Variants in LYPD4 observed in about 807,000 individuals in gnomAD.
The protein encoded by LYPD4 is ly6/PLAUR domain-containing protein 4.
LYPD4 carries 20 observed loss-of-function variants against 18.2 expected under a neutral mutation model. That is an observed-to-expected ratio of 1.10 (90% CI 0.77 to 1.59). The LOEUF (loss-of-function observed/expected upper bound fraction) is 1.59. LYPD4 is among the 40% of genes most tolerant of loss of function. The pLI, the probability that LYPD4 is intolerant of heterozygous loss-of-function variation, is 0.00. For synonymous variants in LYPD4, 111 were observed against 118.3 expected (o/e 0.94, Z 0.40); for missense variants, 278 against 300.3 (o/e 0.93, Z 0.55).
In LYPD4 at chr19:41,838,896, C is replaced by T. The variant is rs782343746; in HGVS notation, c.196G>A (p.Val66Met). The change falls in exon 3 of 5, where the codon GTG becomes ATG. Residue 66 changes from valine to methionine, a missense_variant. Val to Met is a conservative substitution (Grantham distance 21). Transcript: ENST00000609812. ...ACTGCTTCACCTGTCTCAATGAACA[C>T]TAGCGTCTCCTCGCAGCCCTCTTGC... ...KLQEGCEETL[V>M]FIETGTARGV... 6.2e-7 allele frequency: 1 copy of T among 1,613,856 alleles called. No individual in the cohort carries two copies. The highest frequency in any genetic ancestry group is 8.5e-7 in the Non-Finnish European group (1 of 1,180,022).
At chr19:41,835,740 A>C, downstream of LYPD4, 18 of 982,396 alleles carry the variant, frequency 1.8e-5, no homozygotes, top group Non-Finnish European at 2.2e-5. Flanking sequence ...TGGTAACCGA[A>C]ACCTCGTGTC....
Position 41,838,148 on chromosome 19 carries a change from C to T in LYPD4, c.325G>A (p.Val109Ile), listed in dbSNP as rs142442476. 583 of 1,612,674 alleles carry T rather than the reference C, an allele frequency of 3.6e-4. No homozygotes were observed. Among genetic ancestry groups the T allele is most frequent in the African/African-American group, 2.6e-3 (192 of 75,002 alleles). The change falls in exon 4 of 5, where the codon GTC becomes ATC. Residue 109 changes from valine to isoleucine, a missense_variant. Val to Ile is a conservative substitution (Grantham distance 29, BLOSUM62 3). Transcript: ENST00000609812. ...PGVSIASYSRVCRSYLCNNLT... is the reference protein window; with the variant it reads ...PGVSIASYSRICRSYLCNNLT... The stretch of plus-strand genomic sequence containing the variant: ...TTGTTGCAGAGATAAGACCGGCAGA[C>T]GCGACTGTAGGAGGCAATGGACACT...
chr19:41,840,852 AAT>A (rs1302721225), intron 1 of LYPD4, among the ~76,000 whole-genome samples: 4 of 152,088 alleles, frequency 2.6e-5, no homozygotes, highest in Non-Finnish European at 5.9e-5. Flanking sequence ...AATAAAATAA[AAT>A]ATATACATCA....
rs1555832555 is a variant in LYPD4, at chr19:41,839,238, C to T, written c.48G>A (p.Gly16=). 1 of 1,614,106 alleles carries T rather than the reference C, an allele frequency of 6.2e-7. No homozygotes were observed. The highest frequency in any genetic ancestry group is 1.3e-5 in the African/African-American group (1 of 75,010). Residue 16 remains glycine (G), a synonymous_variant, in exon 2 of 5, where the codon GGG becomes GGA. Transcript: ENST00000609812. ...LRLVQLFCLL[G]AISTLPRAGA... ...ACATACGAGGCAGAGTGGAGATGGCCCCTAGAAGGCAGAACAGCTGCACAA... is the reference window on the plus strand; with the variant it reads ...ACATACGAGGCAGAGTGGAGATGGCTCCTAGAAGGCAGAACAGCTGCACAA...
downstream of LYPD4, chr19:41,837,064 G>A (rs1389776515): frequency 1.3e-6 from 2 of 1,597,328 alleles, no homozygotes; most frequent in African/African-American, 1.3e-5. Context: ...ATGGACCACA[G>A]GACAATGCAG....
chr19:41,837,129 G>A lies in LYPD4; in HGVS notation c.*14C>T, dbSNP rs200694458. 2 of 1,613,634 alleles carry A rather than the reference G, an allele frequency of 1.2e-6. No homozygotes were observed. Among genetic ancestry groups the A allele is most frequent in the East Asian group, 2.2e-5 (1 of 44,874 alleles). ...GTGAAAGAGTCTGGGTGCTTGTCGG[G>A]TGCAGCTAGATGGTCAGTCCCTGAA... On this transcript the variant is annotated 3_prime_UTR_variant, in exon 5 of 5. Transcript: ENST00000609812.
chr19:41,838,510 A>G (rs1358849569), intron 3 of LYPD4, among the ~76,000 whole-genome samples: 1 of 151,822 alleles, frequency 6.6e-6, no homozygotes, highest in Non-Finnish European at 1.5e-5. Context: ...TCCTCCAGGG[A>G]TCTGTCCACC....
intron 1 of LYPD4, among the ~76,000 whole-genome samples, chr19:41,843,307 C>G (rs1011290448): frequency 6.6e-6 from 1 of 152,026 alleles, no homozygotes; most frequent in Non-Finnish European, 1.5e-5. Context: ...TTGTTGAACT[C>G]AGAGCCTACT....
At chr19:41,838,336 T>G in intron 3 of LYPD4, 75 bp from the exon 4 acceptor site, 2 of 1,287,854 alleles carry the variant, frequency 1.6e-6, no homozygotes, top group Non-Finnish European at 2.1e-6. Context: ...CCCCCAGCTC[T>G]TTCTGCACCC....
At position 41,839,300 on chromosome 19, in the gene LYPD4, G is replaced by GTCC; in HGVS notation, c.-18_-16dup. On this transcript the variant is annotated 5_prime_UTR_variant, in exon 2 of 5. Coordinates refer to ENST00000609812, the MANE Select transcript of LYPD4 (RefSeq NM_173506.7). ...TGGGGTCCCATGGCCCTGTGTCTGG[G>GTCC]TCCTGGGTGCTAGAGGTCAGTCTGG... The GTCC allele has an allele frequency of 6.2e-7, 1 of 1,613,326 alleles. No individual in the cohort carries two copies. The highest frequency in any genetic ancestry group is 2.2e-5 in the East Asian group (1 of 44,878).
At chr19:41,842,835 T>C (rs1600566208) in intron 1 of LYPD4, among the ~76,000 whole-genome samples, 1 of 109,728 alleles carries the variant, frequency 9.1e-6, no homozygotes, top group African/African-American at 3.7e-5. Flanking sequence ...TGTACATGGA[T>C]AGATTGTAAA....
chr19:41,837,648 C>T (rs2073410232), intron 4 of LYPD4, among the ~76,000 whole-genome samples: 1 of 151,334 alleles, frequency 6.6e-6, no homozygotes, highest in South Asian at 2.1e-4. Flanking sequence ...GAGCCGAGAT[C>T]GGACCACTGC....
At chr19:41,844,738 G>C (rs1221847593), upstream of LYPD4, 5 of 152,374 alleles carry the variant, frequency 3.3e-5, no homozygotes, top group African/African-American at 1.2e-4. Flanking sequence ...GGCCAGCCTC[G>C]GTCCAATAAG....
At chr19:41,839,992 T>G (rs1045388514) in intron 1 of LYPD4, among the ~76,000 whole-genome samples, 1 of 150,862 alleles carries the variant, frequency 6.6e-6, no homozygotes, top group Non-Finnish European at 1.5e-5. Flanking sequence ...GAGGTTGCAG[T>G]GAACCGAGAT....
chr19:41,842,371 G>A (rs913482162), intron 1 of LYPD4, among the ~76,000 whole-genome samples: 6 of 152,150 alleles, frequency 3.9e-5, no homozygotes, highest in Non-Finnish European at 7.4e-5. Context: ...GACAATGGGA[G>A]CTTCCCTCTC....
At position 41,840,835 on chromosome 19, in the gene LYPD4, A is replaced by C. The variant is rs559406913; in HGVS notation, c.-120-1430T>G. ...ACAGAGCGAAACTCCGTCTCAAAAA[A>C]AAAAAAAATAAAATAAAATATATAC... is the stretch of plus-strand genomic sequence containing the variant. On this transcript the variant is annotated intron_variant, in intron 1 of 4. Coordinates refer to ENST00000609812, the MANE Select transcript of LYPD4 (RefSeq NM_173506.7). Among the ~76,000 whole-genome samples, 921 of 152,200 alleles carry C rather than the reference A, an allele frequency of 6.1e-3. 11 individuals carry two copies. Among genetic ancestry groups the C allele is most frequent in the African/African-American group, 0.017 (693 of 41,546 alleles).
downstream of LYPD4, among the ~76,000 whole-genome samples, chr19:41,836,913 G>T (rs1047253041): frequency 6.6e-6 from 1 of 152,014 alleles, no homozygotes; most frequent in Admixed American, 6.6e-5. Context: ...GCCTCCAGAG[G>T]AAGGGGAAGG....
intron 2 of LYPD4, 77 bp downstream of exon 2, chr19:41,839,142 G>C (rs782475533): frequency 3.1e-5 from 50 of 1,612,566 alleles, no homozygotes; most frequent in Non-Finnish European, 3.9e-5. Flanking sequence ...TAGATACCCA[G>C]CCCTCGTTCC....
rs1600568511 is a variant in LYPD4, at chr19:41,843,052, AAAAAAAAAAAAAAAAAAAAAAAAAAC to A, written c.-121+500_-121+525del. On this transcript the variant is annotated intron_variant, in intron 1 of 4. Transcript: ENST00000609812. ...ATCGCTAAAAAAAAAAAAAAAAAAA[AAAAAAAAAAAAAAAAAAAAAAAAAAC>A]CCCAACAACAACACTACACACATCC... 4.2e-3 allele frequency among the ~76,000 whole-genome samples: 206 copies of A among 49,230 alleles called. 4 individuals are homozygous for A. Among genetic ancestry groups the A allele is most frequent in the South Asian group, 0.024 (27 of 1,142 alleles). The allele number at this position is 49,230 out of a possible 152,430, so 32.3% of individuals were successfully genotyped here. A position where few individuals can be genotyped will look rare whatever the true frequency, so the allele number is the denominator to read the frequency against.
Sources: gnomAD v4.1 joint callset for allele counts (sites outside exome capture counted in the v4.1 genomes callset) on GRCh38, gnomAD v4.1.1 for gene constraint, MANE v1.5 for transcripts, NCBI Gene and HGNC (gene_info 2026-07-23, HGNC 2026-07-21) for gene names.